FBH1: variants seen among roughly 807,000 people sequenced by gnomAD.
The protein encoded by FBH1 is DNA 3'-5' helicase 1.
Under a neutral mutation model 115.5 loss-of-function variants are expected in FBH1, and 43 were observed. That is an observed-to-expected ratio of 0.37 (90% CI 0.29 to 0.48). The LOEUF (loss-of-function observed/expected upper bound fraction) is 0.48. Ranked by LOEUF, FBH1 falls within the 20% of genes least tolerant of loss-of-function variation. The pLI, the probability that FBH1 is intolerant of heterozygous loss-of-function variation, is 0.99. For synonymous variants in FBH1, 524 were observed against 507.8 expected (o/e 1.03, Z -0.43); for missense variants, 1,001 against 1,337.3 (o/e 0.75, Z 3.92).
chr10:5,893,699 A>G (rs1564427025), intron 1 of FBH1, among the ~76,000 whole-genome samples: 1 of 152,136 alleles, frequency 6.6e-6, no homozygotes, highest in East Asian at 1.9e-4. Flanking sequence ...TTGTTATATT[A>G]CTTTATCTTT....
chr10:5,927,280 C>T (rs1832712590), intron 18 of FBH1, among the ~76,000 whole-genome samples, 155 bp from the exon 19 acceptor site: 1 of 152,168 alleles, frequency 6.6e-6, no homozygotes, highest in Non-Finnish European at 1.5e-5. Flanking sequence ...TTGGAATTGG[C>T]ATTTGTAGGA....
In FBH1 at chr10:5,923,165, G is replaced by A. The variant is rs926733457; in HGVS notation, c.2323-456G>A. On this transcript the variant is annotated intron_variant, in intron 15 of 20. Transcript: ENST00000362091. The surrounding 1 kb of genome is among the most constrained non-coding windows in gnomAD (Gnocchi z 5.7). ...CCCAAAGTGCTGGGATTACAGGCAT[G>A]AGCCACTGCGCCTGGCCTGTAGTTC... 1.3e-5 allele frequency among the ~76,000 whole-genome samples: 2 copies of A among 152,230 alleles called. No homozygotes were observed. The highest frequency in any genetic ancestry group is 2.9e-5 in the Non-Finnish European group (2 of 68,036).
intron 9 of FBH1, 189 bp from the exon 10 acceptor site, chr10:5,916,045 A>G (rs747848675): frequency 2.7e-5 from 16 of 600,504 alleles, no homozygotes; most frequent in Non-Finnish European, 3.8e-5. Flanking sequence ...GGGTTGGTAC[A>G]TGTGAGTCCT....
rs759568591 is a variant in FBH1, at chr10:5,903,103, G to A, written c.85G>A (p.Gly29Ser). Residue 29 changes from glycine (G) to serine (S), a missense_variant, in exon 2 of 21, where the codon GGT (glycine) becomes AGT (serine). Coordinates refer to ENST00000362091, the MANE Select transcript of FBH1 (RefSeq NM_178150.3). Reference protein sequence around the residue: ...RSHLAVTQPFGQRWTNRDPNH... With the variant: ...RSHLAVTQPFSQRWTNRDPNH... ...TCACTTGGCTGTGACCCAGCCCTTC[G>A]GTCAAAGATGGACAAACAGAGATCC... The A allele has an allele frequency of 6.9e-5, 111 of 1,613,626 alleles. No individual in the cohort carries two copies. Among genetic ancestry groups the A allele is most frequent in the South Asian group, 1.3e-4 (12 of 91,004 alleles).
chr10:5,921,460 G>A lies in FBH1; in HGVS notation c.2213G>A (p.Gly738Asp). 4 of 1,604,594 alleles carry A rather than the reference G, an allele frequency of 2.5e-6. No individual in the cohort carries two copies. The highest frequency in any genetic ancestry group is 3.4e-6 in the Non-Finnish European group (4 of 1,177,276). The change falls in exon 15 of 21, where the codon GGT (glycine) becomes GAT (aspartate). Residue 738 changes from glycine to aspartate, a missense_variant. Physicochemically the swap from Gly to Asp is moderately conservative, Grantham distance 94. Around this residue, in one of 4 missense-constraint regions of FBH1, gnomAD observed 521 missense variants for 811.0 expected, o/e 0.64. Transcript: ENST00000362091. The surrounding 1 kb of genome is among the most constrained non-coding windows in gnomAD (Gnocchi z 6.4). The part of the protein sequence containing the change: ...VGGNHQSGIR[G>D]DAKGQVALLS... ...TCTCTCCCTAAAGGTGGCATTAGAG[G>A]TGACGCAAAGGGGCAAGTGGCCTTG...
Position 5,895,040 on chromosome 10 carries a change from C to T in FBH1, c.1+4694C>T, listed in dbSNP as rs960582054. ...ACACAGTTAACTGTTGAAATTGGGC[C>T]ATTCCCGTTTCACAGGCTGCCATTG... On this transcript the variant is annotated intron_variant, in intron 1 of 20. Transcript: ENST00000362091. This position sits in a 1 kb window ranked among gnomAD's most constrained non-coding sequence, Gnocchi z 5.0. 5 of 1,607,368 alleles carry T rather than the reference C, an allele frequency of 3.1e-6. No individual in the cohort carries two copies. In the African/African-American group the frequency reaches 4.0e-5, roughly 13 times the overall value.
rs1225141827 is a variant in FBH1, at chr10:5,924,784, T to C, written c.2596+276T>C. 3.9e-6 allele frequency: 2 copies of C among 514,920 alleles called. No homozygotes were observed. The highest frequency in any genetic ancestry group is 4.5e-5 in the Admixed American group (2 of 44,056). The allele number at this position is 514,920 out of a possible 1,614,324, so 31.9% of individuals were successfully genotyped here. ...TCTCACCATGTTGGCCAGGCTGGTC[T>C]CGAACTCCCAACCTCAGGTAATCTG... On this transcript the variant is annotated intron_variant, in intron 17 of 20. Transcript: ENST00000362091. This position sits in a 1 kb window ranked among gnomAD's most constrained non-coding sequence, Gnocchi z 6.2.
chr10:5,918,251 C>T lies in FBH1; in HGVS notation c.1964-91C>T. On this transcript the variant is annotated intron_variant, in intron 12 of 20. Coordinates refer to ENST00000362091, the MANE Select transcript of FBH1 (RefSeq NM_178150.3). This position sits in a 1 kb window ranked among gnomAD's most constrained non-coding sequence, Gnocchi z 4.0. ...GACCGTGAGGTCCAGTGTGCCCTGG[C>T]TTAGCTTCGTGGAAGTGTTTTTGTC... 2 of 1,529,064 alleles carry T rather than the reference C, an allele frequency of 1.3e-6. No individual in the cohort carries two copies. The highest frequency in any genetic ancestry group is 1.8e-6 in the Non-Finnish European group (2 of 1,130,622). 94.7% of individuals were successfully genotyped at this position (1,529,064 alleles called of 1,614,324 possible).
Position 5,900,839 on chromosome 10 carries a change from G to A in FBH1, c.2-2181G>A, listed in dbSNP as rs951126037. On this transcript the variant is annotated intron_variant, in intron 1 of 20. Coordinates refer to ENST00000362091, the MANE Select transcript of FBH1 (RefSeq NM_178150.3). The surrounding 1 kb of genome is among the most constrained non-coding windows in gnomAD (Gnocchi z 4.2). ...AAGCTGGGCACAGTGGCTCACATCT[G>A]TAATCCCAGCACTTTGGGAGGCCGA... Among the ~76,000 whole-genome samples, 2 of 152,200 alleles carry A rather than the reference G, an allele frequency of 1.3e-5. No individual in the cohort carries two copies. The highest frequency in any genetic ancestry group is 3.8e-4 in the East Asian group (2 of 5,196).
chr10:5,896,581 T>G (rs636578), intron 1 of FBH1, among the ~76,000 whole-genome samples: 63,866 of 151,970 alleles, frequency 0.42, 14,920 homozygotes, highest in East Asian at 0.68. Context: ...CTAACACATT[T>G]CTGTTGGTTA....
chr10:5,921,629 A>C lies in FBH1; in HGVS notation c.2322+60A>C. ...AGAAACGTTGTAGACGAACATACCC[A>C]ATGGAAATGTTCACCTTCCTTGGGA... On this transcript the variant is annotated intron_variant, in intron 15 of 20. Coordinates refer to ENST00000362091, the MANE Select transcript of FBH1 (RefSeq NM_178150.3). This position sits in a 1 kb window ranked among gnomAD's most constrained non-coding sequence, Gnocchi z 6.4. 6.4e-7 allele frequency: 1 copy of C among 1,567,608 alleles called. No individual in the cohort carries two copies. Among genetic ancestry groups the C allele is most frequent in the Non-Finnish European group, 8.6e-7 (1 of 1,167,360 alleles).
chr10:5,906,355 C>A lies in FBH1; in HGVS notation c.476C>A (p.Pro159His). Residue 159 changes from proline to histidine, a missense_variant, in exon 3 of 21, where the codon CCT becomes CAT. This residue lies in a region of FBH1 where 420 missense variants were observed against 430.4 expected (regional missense o/e 0.98). Transcript: ENST00000362091. This position sits in a 1 kb window ranked among gnomAD's most constrained non-coding sequence, Gnocchi z 7.3. ...CATTTGTCTGTGCCATGCACAAGGC[C>A]TAGGGAGGCCAGGCAAGAAGCAGAG... ...RHHLSVPCTR[P>H]REARQEAEDS... The A allele has an allele frequency of 6.2e-7, 1 of 1,614,212 alleles. No homozygotes were observed. Among genetic ancestry groups the A allele is most frequent in the Non-Finnish European group, 8.5e-7 (1 of 1,180,022 alleles).
rs1232461097 is a variant in FBH1, at chr10:5,909,345, AGT to A, written c.1020+54_1020+55del. 1 of 1,576,724 alleles carries A rather than the reference AGT, an allele frequency of 6.3e-7. No individual in the cohort carries two copies. Among genetic ancestry groups the A allele is most frequent in the Non-Finnish European group, 8.6e-7 (1 of 1,165,922 alleles). ...GCGGCATGTTATTTCACTGGAGGAA[AGT>A]GTACTGGTGATTCAGTTCAATTGAG... is the stretch of plus-strand genomic sequence containing the variant. On this transcript the variant is annotated intron_variant, in intron 5 of 20. Coordinates refer to ENST00000362091, the MANE Select transcript of FBH1 (RefSeq NM_178150.3). This position sits in a 1 kb window ranked among gnomAD's most constrained non-coding sequence, Gnocchi z 4.4.
In FBH1 at chr10:5,913,031, T is replaced by G. The variant is rs2131980940; in HGVS notation, c.1212-716T>G. 6.6e-6 allele frequency among the ~76,000 whole-genome samples: 1 copy of G among 152,232 alleles called. No homozygotes were observed. Among genetic ancestry groups the G allele is most frequent in the South Asian group, 2.1e-4 (1 of 4,820 alleles). On this transcript the variant is annotated intron_variant, in intron 6 of 20. Coordinates refer to ENST00000362091, the MANE Select transcript of FBH1 (RefSeq NM_178150.3). The surrounding 1 kb of genome is among the most constrained non-coding windows in gnomAD (Gnocchi z 4.4). ...GGATGGGGGGCAGTGCACTCGATTG[T>G]TGGGGGAGCGAGTCCAAGCTCACCC...
In FBH1 at chr10:5,915,091, GC is replaced by G. The variant is rs998759954; in HGVS notation, c.1397-309del. 6.6e-6 allele frequency among the ~76,000 whole-genome samples: 1 copy of G among 151,944 alleles called. No individual in the cohort carries two copies. The highest frequency in any genetic ancestry group is 1.5e-5 in the Non-Finnish European group (1 of 67,960). On this transcript the variant is annotated intron_variant, in intron 8 of 20. Transcript: ENST00000362091. This position sits in a 1 kb window ranked among gnomAD's most constrained non-coding sequence, Gnocchi z 5.2. ...CCTCCTATCCTGAGGGGTCCTTTTT[GC>G]CCTCGGGAACCCTACCTCTAATGGA...
In FBH1 at chr10:5,914,370, C is replaced by T. The variant is rs1026978303; in HGVS notation, c.1396+101C>T. 6.4e-6 allele frequency: 6 copies of T among 941,780 alleles called. No homozygotes were observed. Among genetic ancestry groups the T allele is most frequent in the African/African-American group, 4.9e-5 (3 of 60,780 alleles). The allele number at this position is 941,780 out of a possible 1,614,324, so 58.3% of individuals were successfully genotyped here. On this transcript the variant is annotated intron_variant, in intron 8 of 20. Transcript: ENST00000362091. This position sits in a 1 kb window ranked among gnomAD's most constrained non-coding sequence, Gnocchi z 5.2. ...CCAGGGCATCTTTGCTCTGATCTGTCATCCAACTAATAATTCAATAACAGA... is the reference window on the plus strand; with the variant it reads ...CCAGGGCATCTTTGCTCTGATCTGTTATCCAACTAATAATTCAATAACAGA...
rs755416661 is a variant in FBH1, at chr10:5,924,533, C to T, written c.2596+25C>T. On this transcript the variant is annotated intron_variant, in intron 17 of 20. Transcript: ENST00000362091. This position sits in a 1 kb window ranked among gnomAD's most constrained non-coding sequence, Gnocchi z 6.2. ...GGTAAGGGAAGCAGTTGGTTTTTAC[C>T]TTCCCCCTAAGAGGAGGAACAGATG... 6.2e-7 allele frequency: 1 copy of T among 1,608,772 alleles called. No individual in the cohort carries two copies. The highest frequency in any genetic ancestry group is 8.5e-7 in the Non-Finnish European group (1 of 1,176,440).
rs771017826 is a variant in FBH1, at chr10:5,921,131, G to A, written c.2101-127G>A. ...CCTTGAAAGTGAGCCTGTGAAGTTCGCTTTCCATGCGGGGGGTCAGGAACA... is the reference window on the plus strand; with the variant it reads ...CCTTGAAAGTGAGCCTGTGAAGTTCACTTTCCATGCGGGGGGTCAGGAACA... On this transcript the variant is annotated intron_variant, in intron 13 of 20. Coordinates refer to ENST00000362091, the MANE Select transcript of FBH1 (RefSeq NM_178150.3). The surrounding 1 kb of genome is among the most constrained non-coding windows in gnomAD (Gnocchi z 6.4). The A allele has an allele frequency of 2.4e-5, 18 of 756,262 alleles. No individual in the cohort carries two copies. The highest frequency in any genetic ancestry group is 6.2e-4 in the Middle Eastern group (2 of 3,214). The allele number at this position is 756,262 out of a possible 1,614,324, so 46.8% of individuals were successfully genotyped here.
upstream of FBH1, chr10:5,889,611 C>T: frequency 4.6e-6 from 1 of 219,400 alleles, no homozygotes; most frequent in East Asian, 1.1e-4. Context: ...GCCGCGGTTC[C>T]GGGCACGGGG....
Sources: gnomAD v4.1 joint callset for allele counts (sites outside exome capture counted in the v4.1 genomes callset) on GRCh38, gnomAD v4.1.1 for gene constraint, gnomAD v4.1.1 regional missense constraint, Gnocchi (gnomAD v3.1) non-coding constraint, MANE v1.5 for transcripts, NCBI Gene and HGNC (gene_info 2026-07-23, HGNC 2026-07-21) for gene names.